Variants in ABITRAM observed in about 807,000 individuals in gnomAD.
The protein encoded by ABITRAM is protein Abitram.
ABITRAM carries 19 observed loss-of-function variants against 22.9 expected under a neutral mutation model. The ratio of observed to expected loss-of-function variants is 0.83; its 90% CI spans 0.58 to 1.22. The LOEUF is 1.22. Among genes scored for constraint, ABITRAM ranks in the 50% most tolerant of loss-of-function variants. The pLI is 0.00. For synonymous variants in ABITRAM, 70 were observed against 73.9 expected (o/e 0.95, Z 0.27); for missense variants, 215 against 220.2 (o/e 0.98, Z 0.15).
At chr9:108,943,882 A>C (rs1438804211), downstream of ABITRAM, 2 of 1,599,702 alleles carry the variant, frequency 1.3e-6, no homozygotes, top group Non-Finnish European at 1.7e-6. Context: ...CCTTAAACAC[A>C]TTTATACATT....
downstream of ABITRAM, chr9:108,942,770 C>G: frequency 6.2e-7 from 1 of 1,603,890 alleles, no homozygotes; most frequent in Non-Finnish European, 8.5e-7. Context: ...AAAAGCTTCT[C>G]AAGTTTTACT....
chr9:108,947,145 G>A (rs945983960), intron 3 of ABITRAM, among the ~76,000 whole-genome samples: 2 of 134,028 alleles, frequency 1.5e-5, no homozygotes, highest in African/African-American at 5.5e-5. Context: ...ATGGAGTCTT[G>A]CTCTGTCACC....
At chr9:108,945,144 C>T (rs1830363400), downstream of ABITRAM, among the ~76,000 whole-genome samples, 1 of 152,202 alleles carries the variant, frequency 6.6e-6, no homozygotes, top group Admixed American at 6.5e-5. Context: ...TCTCTCTCCA[C>T]TCCTGAACTA....
chr9:108,943,608 T>A, downstream of ABITRAM: 1 of 929,116 alleles, frequency 1.1e-6, no homozygotes, highest in Non-Finnish European at 1.6e-6. Flanking sequence ...GGAAATAAAT[T>A]GCCCTTCTGT....
downstream of ABITRAM, chr9:108,943,697 T>C (rs1830314265): frequency 1.2e-6 from 2 of 1,605,240 alleles, no homozygotes; most frequent in African/African-American, 2.7e-5. Flanking sequence ...CATATGTCTC[T>C]TTTACCTTTA....
chr9:108,935,525 A>G (rs1830169162), intron 1 of ABITRAM, 113 bp from the exon 2 acceptor site: 1 of 787,300 alleles, frequency 1.3e-6, no homozygotes, highest in Non-Finnish European at 2.2e-6. Context: ...CGTGATCAGC[A>G]TGCAGCATGT....
intron 3 of ABITRAM, among the ~76,000 whole-genome samples, chr9:108,937,059 C>T (rs909039726): frequency 2.6e-5 from 4 of 152,142 alleles, no homozygotes; most frequent in African/African-American, 9.7e-5. Context: ...ACTCGGGAGG[C>T]TGAGGCAGGA....
intron 3 of ABITRAM, chr9:108,950,364 TTGC>T: frequency 2.3e-6 from 2 of 885,770 alleles, no homozygotes; most frequent in Non-Finnish European, 1.6e-6. Context: ...CAGGATAAGC[TTGC>T]TAACAACAGT....
chr9:108,939,117 G>C (rs938905375), intron 3 of ABITRAM, 79 bp from the exon 4 acceptor site: 68 of 1,176,302 alleles, frequency 5.8e-5, no homozygotes, highest in Non-Finnish European at 7.6e-5. Flanking sequence ...AATACATCCT[G>C]TTATACACCT....
intron 3 of ABITRAM, among the ~76,000 whole-genome samples, chr9:108,947,403 G>A (rs1239930182): frequency 2.6e-5 from 4 of 152,062 alleles, no homozygotes; most frequent in Non-Finnish European, 4.4e-5. Context: ...GTGAGCCACC[G>A]CGCCTGGCCT....
chr9:108,938,566 T>G (rs1830215228), intron 3 of ABITRAM, among the ~76,000 whole-genome samples: 1 of 151,902 alleles, frequency 6.6e-6, no homozygotes, highest in Non-Finnish European at 1.5e-5. Flanking sequence ...GACTCATGGG[T>G]CAATTATTTT....
chr9:108,940,282 T>C lies in ABITRAM; in HGVS notation c.*596T>C, dbSNP rs1830239773. The C allele has an allele frequency of 6.6e-6, 1 of 152,250 alleles. No homozygotes were observed. The highest frequency in any genetic ancestry group is 2.4e-5 in the African/African-American group (1 of 41,474). 9.4% of individuals were successfully genotyped at this position (152,250 alleles called of 1,614,324 possible). A position where few individuals can be genotyped will look rare whatever the true frequency, so the allele number is the denominator to read the frequency against. On this transcript the variant is annotated 3_prime_UTR_variant, in exon 6 of 6. Coordinates refer to ENST00000322940, the MANE Select transcript of ABITRAM (RefSeq NM_017832.4). ...GGAAGTTCCTGGAACCAATCCCCTATGTAAACCAAGGGATAACTACTACAT... is the reference window on the plus strand; with the variant it reads ...GGAAGTTCCTGGAACCAATCCCCTACGTAAACCAAGGGATAACTACTACAT...
intron 2 of ABITRAM, 85 bp downstream of exon 2, chr9:108,935,774 A>G: frequency 1.2e-6 from 1 of 808,778 alleles, no homozygotes; most frequent in Non-Finnish European, 2.1e-6. Context: ...CTTGGATTGA[A>G]CAAATGTTCA....
intron 1 of ABITRAM, 123 bp downstream of exon 1, chr9:108,934,688 T>C: frequency 3.3e-6 from 3 of 897,960 alleles, no homozygotes; most frequent in East Asian, 3.2e-5. Context: ...CAGAAGGCAC[T>C]GGACTTCTGT....
downstream of ABITRAM, chr9:108,942,548 A>G: frequency 1.8e-6 from 1 of 549,910 alleles, no homozygotes; most frequent in South Asian, 2.6e-5. Context: ...GCAATGTTCT[A>G]TTTTAAAAAT....
downstream of ABITRAM, chr9:108,943,579 T>C: frequency 1.4e-6 from 1 of 725,442 alleles, no homozygotes; most frequent in Non-Finnish European, 2.2e-6. Context: ...ATGATTCTTG[T>C]AGACAAGGCA....
At chr9:108,934,883 G>C (rs915118963) in intron 1 of ABITRAM, among the ~76,000 whole-genome samples, 1 of 152,188 alleles carries the variant, frequency 6.6e-6, no homozygotes, top group African/African-American at 2.4e-5. Context: ...TAAGTGCCTG[G>C]AGGGATTGAG....
At chr9:108,942,133 T>C (rs1012010096), downstream of ABITRAM, among the ~76,000 whole-genome samples, 9 of 152,166 alleles carry the variant, frequency 5.9e-5, no homozygotes, top group African/African-American at 2.2e-4. Flanking sequence ...CAAAAACCCA[T>C]CTCATACTCT....
At chr9:108,942,278 A>G (rs1420324824), downstream of ABITRAM, among the ~76,000 whole-genome samples, 1 of 152,168 alleles carries the variant, frequency 6.6e-6, no homozygotes, top group Non-Finnish European at 1.5e-5. Context: ...GCTGGCATGG[A>G]CAATCTGGGA....
Sources: allele counts gnomAD v4.1 joint callset (sites outside exome capture counted in the v4.1 genomes callset), GRCh38; gene constraint gnomAD v4.1.1; transcripts MANE v1.5; gene names NCBI Gene and HGNC (gene_info 2026-07-23, HGNC 2026-07-21).